The following KIF20B variants were observed in gnomAD, a reference collection of about 807,000 sequenced individuals.
The protein encoded by KIF20B is kinesin family member 20B.
Under a neutral mutation model 232.5 loss-of-function variants are expected in KIF20B, and 188 were observed. The observed-to-expected ratio is 0.81, with a 90% CI of 0.72 to 0.91. KIF20B has a LOEUF of 0.91. KIF20B is among the 40% of genes least tolerant of loss of function. KIF20B has a pLI of 0.00. For synonymous variants in KIF20B, 712 were observed against 683.0 expected, an observed-to-expected ratio of 1.04 and a Z score of -0.66; for missense variants, 2,154 against 2,055.9, an observed-to-expected ratio of 1.05 and a Z score of -0.92.
intron 6 of KIF20B, 91 bp from the exon 7 acceptor site, chr10:89,713,956 T>C (rs1346113640): frequency 1.8e-5 from 9 of 498,036 alleles, no homozygotes; most frequent in Non-Finnish European, 2.4e-5. Context: ...TGTGATTTGG[T>C]AGTGACTTAT....
At chr10:89,765,465 C>G (rs368786653) in intron 29 of KIF20B, among the ~76,000 whole-genome samples, 2 of 152,160 alleles carry the variant, frequency 1.3e-5, no homozygotes, top group South Asian at 2.1e-4. Flanking sequence ...ACTGCCCAAG[C>G]TAATTTATAG....
intron 3 of KIF20B, 22 bp from the exon 4 acceptor site, chr10:89,709,323 T>G (rs200864660): frequency 3.6e-5 from 58 of 1,595,878 alleles, no homozygotes; most frequent in Middle Eastern, 1.7e-4. Flanking sequence ...TAGTTTTTAT[T>G]TATTGGGGGT....
intron 17 of KIF20B, 119 bp downstream of exon 17, chr10:89,728,015 G>A: frequency 1.2e-6 from 1 of 813,578 alleles, no homozygotes; most frequent in Non-Finnish European, 1.7e-6. Context: ...CTCTTGGTAT[G>A]CATGGGGGAT....
chr10:89,748,306 G>A (rs1423095084), intron 23 of KIF20B, among the ~76,000 whole-genome samples: 2 of 152,144 alleles, frequency 1.3e-5, no homozygotes, highest in African/African-American at 2.4e-5. Context: ...CACCGTGCCT[G>A]GCCACAAAAT....
chr10:89,761,845 T>C (rs891368586), intron 28 of KIF20B, among the ~76,000 whole-genome samples: 1 of 152,212 alleles, frequency 6.6e-6, no homozygotes, highest in African/African-American at 2.4e-5. Flanking sequence ...TATGTTGTCC[T>C]AAAACCTCCT....
intron 26 of KIF20B, among the ~76,000 whole-genome samples, chr10:89,757,459 T>G (rs1235119634): frequency 6.6e-6 from 1 of 151,928 alleles, no homozygotes; most frequent in African/African-American, 2.4e-5. Flanking sequence ...TTTTTATGAG[T>G]AGGAGTTCTC....
intron 16 of KIF20B, among the ~76,000 whole-genome samples, chr10:89,727,335 T>C (rs747796913): frequency 6.0e-5 from 9 of 151,216 alleles, no homozygotes; most frequent in Non-Finnish European, 8.8e-5. Context: ...CTCACTGCAG[T>C]TTTCCACCTC....
At chr10:89,705,699 C>T (rs1842708022) in intron 2 of KIF20B, among the ~76,000 whole-genome samples, 1 of 152,190 alleles carries the variant, frequency 6.6e-6, no homozygotes, top group Non-Finnish European at 1.5e-5. Context: ...TTATTTACTA[C>T]ATCCGTTGTG....
chr10:89,726,612 C>T (rs1008998639), intron 16 of KIF20B, 91 bp downstream of exon 16: 75 of 1,078,224 alleles, frequency 7.0e-5, no homozygotes, highest in African/African-American at 2.8e-4. Context: ...GCTCATTTAC[C>T]GTAGTGACCA....
chr10:89,741,265 TAGGCGGAGCTC>T (rs761077280), intron 21 of KIF20B, among the ~76,000 whole-genome samples: 1 of 152,146 alleles, frequency 6.6e-6, no homozygotes, highest in Non-Finnish European at 1.5e-5. Context: ...GATCTGACAG[TAGGCGGAGCTC>T]AGGCGGTAAT....
Position 89,753,699 on chromosome 10 carries a change from C to T in KIF20B, c.4348-819C>T, listed in dbSNP as rs909883481. On this transcript the variant is annotated intron_variant, in intron 25 of 32. Coordinates refer to ENST00000371728, the MANE Select transcript of KIF20B (RefSeq NM_001284259.2). Reference sequence around the variant, plus strand: ...GCAGTGACGTGATCTCGGCTCACTGCAGCCTCCACCCCCTGGGTTCAAGCG... The same window carrying T: ...GCAGTGACGTGATCTCGGCTCACTGTAGCCTCCACCCCCTGGGTTCAAGCG... Among the ~76,000 whole-genome samples the T allele has an allele frequency of 3.9e-5, 6 of 152,256 alleles. No individual in the cohort carries two copies. In the South Asian group the frequency reaches 1.2e-3, roughly 32 times the overall value.
Position 89,726,486 on chromosome 10 carries a change from T to A in KIF20B, c.2195T>A (p.Ile732Asn). The change falls in exon 16 of 33, where the codon ATC (isoleucine) becomes AAC (asparagine). Residue 732 changes from isoleucine (I) to asparagine (N), a missense_variant. Coordinates refer to ENST00000371728, the MANE Select transcript of KIF20B (RefSeq NM_001284259.2). ...AELAKTKGEL[I>N]KTKEELKKRE... Reference sequence around the variant, plus strand: ...TTAGCTAAAACCAAAGGAGAATTAATCAAAACCAAAGAAGAGTTAAAAAAG... The same window carrying A: ...TTAGCTAAAACCAAAGGAGAATTAAACAAAACCAAAGAAGAGTTAAAAAAG... 6.2e-7 allele frequency: 1 copy of A among 1,603,360 alleles called. No individual in the cohort carries two copies. Among genetic ancestry groups the A allele is most frequent in the Non-Finnish European group, 8.5e-7 (1 of 1,174,368 alleles).
chr10:89,727,782 T>C, intron 16 of KIF20B, 74 bp from the exon 17 acceptor site: 2 of 1,287,968 alleles, frequency 1.6e-6, no homozygotes, highest in Non-Finnish European at 2.2e-6. Context: ...GAGCAGCATA[T>C]GTTTCATAGT....
At chr10:89,750,362 A>G (rs1841997277) in intron 23 of KIF20B, among the ~76,000 whole-genome samples, 1 of 152,194 alleles carries the variant, frequency 6.6e-6, no homozygotes, top group Admixed American at 6.5e-5. Context: ...AGAGATTTAT[A>G]TGATAATATG....
intron 1 of KIF20B, among the ~76,000 whole-genome samples, chr10:89,705,006 T>G (rs3824605): frequency 9.2e-5 from 14 of 151,886 alleles, no homozygotes; most frequent in African/African-American, 3.4e-4. Flanking sequence ...AGAGAGTAAA[T>G]ATTTTATACC....
chr10:89,768,527 T>C (rs973211043), intron 30 of KIF20B, 136 bp downstream of exon 30: 4 of 716,714 alleles, frequency 5.6e-6, no homozygotes, highest in Non-Finnish European at 9.2e-6. Context: ...GCCAGTAGCA[T>C]CTACTTTATG....
At chr10:89,768,433 A>C in intron 30 of KIF20B, 42 bp downstream of exon 30, 1 of 1,176,056 alleles carries the variant, frequency 8.5e-7, no homozygotes, top group African/African-American at 1.6e-5. Flanking sequence ...AATTATCCAG[A>C]AATCCAGTTG....
chr10:89,771,880 C>T (rs184815150), intron 31 of KIF20B, among the ~76,000 whole-genome samples: 349 of 151,906 alleles, frequency 2.3e-3, no homozygotes, highest in African/African-American at 7.9e-3. Context: ...TTTAGTCTCT[C>T]GCATATACTG....
intron 20 of KIF20B, 91 bp downstream of exon 20, chr10:89,738,708 C>G: frequency 1.4e-6 from 2 of 1,417,828 alleles, no homozygotes; most frequent in East Asian, 2.4e-5. Flanking sequence ...CATACTTAAT[C>G]TGGTAAAGCG....
Sources: gnomAD v4.1 joint callset for allele counts (sites outside exome capture counted in the v4.1 genomes callset) on GRCh38, gnomAD v4.1.1 for gene constraint, MANE v1.5 for transcripts, NCBI Gene and HGNC (gene_info 2026-07-23, HGNC 2026-07-21) for gene names.